The following TNFAIP8 variants were observed in gnomAD, a reference collection of about 807,000 sequenced individuals.
TNFAIP8 encodes tumor necrosis factor alpha-induced protein 8.
A neutral mutation model predicts 13.3 loss-of-function variants in TNFAIP8; 7 were observed. The ratio of observed to expected loss-of-function variants is 0.52; its 90% CI spans 0.30 to 0.99. TNFAIP8 has a LOEUF of 0.99. Among genes scored for constraint, TNFAIP8 ranks in the 50% least tolerant of loss-of-function variants. TNFAIP8 has a pLI of 0.07. For missense variants in TNFAIP8, 258 were observed against 236.9 expected (o/e 1.09, Z -0.58); for synonymous variants, 94 against 87.6 (o/e 1.07, Z -0.41).
chr5:119,308,177 C>T (rs549882604), intron 1 of TNFAIP8, among the ~76,000 whole-genome samples: 2 of 152,126 alleles, frequency 1.3e-5, no homozygotes, highest in East Asian at 1.9e-4. Context: ...TACAGGAAGG[C>T]ACACTAGTTG....
At chr5:119,391,365 G>T (rs973093326) in intron 1 of TNFAIP8, 5 of 702,060 alleles carry the variant, frequency 7.1e-6, no homozygotes, top group African/African-American at 1.7e-5. Context: ...TGATACCCAG[G>T]CCTAGGCTTA....
intron 1 of TNFAIP8, among the ~76,000 whole-genome samples, chr5:119,349,113 GA>G (rs1209059545): frequency 6.6e-6 from 1 of 151,992 alleles, no homozygotes; most frequent in Non-Finnish European, 1.5e-5. Flanking sequence ...TTTCCATTTT[GA>G]CCCCATTCAC....
chr5:119,288,824 T>A (rs894633149), intron 1 of TNFAIP8, among the ~76,000 whole-genome samples: 1 of 152,234 alleles, frequency 6.6e-6, no homozygotes, highest in African/African-American at 2.4e-5. Context: ...AGTTTGTGGA[T>A]GTAGTCTCCA....
intron 1 of TNFAIP8, among the ~76,000 whole-genome samples, chr5:119,386,544 G>A (rs886265119): frequency 1.7e-5 from 2 of 118,994 alleles, no homozygotes; most frequent in South Asian, 2.8e-4. Context: ...TTTGTTTTGC[G>A]GGGGAGGAGT....
At chr5:119,328,639 G>A (rs965110164) in intron 1 of TNFAIP8, among the ~76,000 whole-genome samples, 3 of 152,206 alleles carry the variant, frequency 2.0e-5, no homozygotes, top group Non-Finnish European at 4.4e-5. Flanking sequence ...GGGAGCCAGA[G>A]AGGTTAAAAC....
At chr5:119,376,771 G>A (rs1267792946) in intron 1 of TNFAIP8, among the ~76,000 whole-genome samples, 1 of 152,100 alleles carries the variant, frequency 6.6e-6, no homozygotes, top group Admixed American at 6.6e-5. Context: ...ATTTCTGAAT[G>A]GACGGTCAAT....
intron 1 of TNFAIP8, among the ~76,000 whole-genome samples, chr5:119,372,893 A>G (rs1276955718): frequency 2.6e-5 from 4 of 152,116 alleles, no homozygotes; most frequent in Non-Finnish European, 4.4e-5. Flanking sequence ...CCTGGGAGGC[A>G]GAGGTTTCAG....
intron 1 of TNFAIP8, among the ~76,000 whole-genome samples, chr5:119,381,270 G>A (rs183020626): frequency 7.2e-5 from 11 of 152,324 alleles, no homozygotes; most frequent in Admixed American, 5.9e-4. Flanking sequence ...GCTGGGTGCC[G>A]TGGTTCACGC....
At chr5:119,375,702 T>G (rs759051389) in intron 1 of TNFAIP8, among the ~76,000 whole-genome samples, 2 of 152,206 alleles carry the variant, frequency 1.3e-5, no homozygotes, top group African/African-American at 2.4e-5. Context: ...AATTTGTCTT[T>G]GTAACTTTTG....
intron 1 of TNFAIP8, among the ~76,000 whole-genome samples, chr5:119,342,811 T>C (rs907419980): frequency 6.6e-6 from 1 of 152,236 alleles, no homozygotes; most frequent in Non-Finnish European, 1.5e-5. Flanking sequence ...CTTCTTTGGC[T>C]GGCGTTACTT....
At chr5:119,321,403 C>CCG (rs74284134) in intron 1 of TNFAIP8, among the ~76,000 whole-genome samples, 1 of 151,884 alleles carries the variant, frequency 6.6e-6, no homozygotes, top group African/African-American at 2.4e-5. Flanking sequence ...AGGATAAATA[C>CCG]AATACTAATA....
intron 1 of TNFAIP8, among the ~76,000 whole-genome samples, chr5:119,340,194 G>A (rs958870938): frequency 1.4e-4 from 22 of 152,194 alleles, no homozygotes; most frequent in African/African-American, 2.2e-4. Flanking sequence ...ACTCCACAGC[G>A]TTGTCCCTAG....
intron 1 of TNFAIP8, among the ~76,000 whole-genome samples, chr5:119,269,102 T>G (rs866133062): frequency 3.3e-5 from 5 of 152,190 alleles, no homozygotes; most frequent in African/African-American, 1.2e-4. Context: ...GCGCACAGCC[T>G]CGGAAACTCC....
In TNFAIP8 at chr5:119,385,486, G is replaced by A. The variant is rs142624911; in HGVS notation, c.32-7330G>A. Reference sequence around the variant, plus strand: ...ACTAGGCTTCTCCTCTTGTCTTGTAGTAGGCTCTCATTCTGTTCGTGATAG... The same window carrying A: ...ACTAGGCTTCTCCTCTTGTCTTGTAATAGGCTCTCATTCTGTTCGTGATAG... On this transcript the variant is annotated intron_variant, in intron 1 of 1. Transcript: ENST00000504771. Among the ~76,000 whole-genome samples, 12 of 152,240 alleles carry A rather than the reference G, an allele frequency of 7.9e-5. No homozygotes were observed. In the East Asian group the frequency reaches 2.3e-3, roughly 29 times the overall value.
At chr5:119,279,969 C>T (rs1748577709) in intron 1 of TNFAIP8, among the ~76,000 whole-genome samples, 1 of 152,210 alleles carries the variant, frequency 6.6e-6, no homozygotes, top group Non-Finnish European at 1.5e-5. Flanking sequence ...CCACCTAGCA[C>T]TGAGAGACAC....
chr5:119,314,177 AC>A (rs1749814496), intron 1 of TNFAIP8, among the ~76,000 whole-genome samples: 1 of 138,450 alleles, frequency 7.2e-6, no homozygotes, highest in Non-Finnish European at 1.5e-5. Context: ...CTAAAAACAA[AC>A]AAACAAACAA....
chr5:119,332,537 A>G (rs1381620049), intron 1 of TNFAIP8, among the ~76,000 whole-genome samples: 2 of 152,168 alleles, frequency 1.3e-5, no homozygotes, highest in African/African-American at 4.8e-5. Flanking sequence ...GAAGCTTACC[A>G]TGTAGGGAGA....
intron 1 of TNFAIP8, among the ~76,000 whole-genome samples, chr5:119,364,693 G>C (rs1751764602): frequency 6.6e-6 from 1 of 151,886 alleles, no homozygotes; most frequent in South Asian, 2.1e-4. Flanking sequence ...GAGAGCTCTA[G>C]CCAGGAGCTA....
chr5:119,378,483 G>A (rs1303674414), intron 1 of TNFAIP8, among the ~76,000 whole-genome samples: 1 of 152,184 alleles, frequency 6.6e-6, no homozygotes, highest in Non-Finnish European at 1.5e-5. Flanking sequence ...TTTGGATACA[G>A]TTATTGAGGA....
Sources: gnomAD v4.1 joint callset for allele counts (sites outside exome capture counted in the v4.1 genomes callset) on GRCh38, gnomAD v4.1.1 for gene constraint, MANE v1.5 for transcripts, NCBI Gene and HGNC (gene_info 2026-07-23, HGNC 2026-07-21) for gene names.